The following CA8 variants were observed in gnomAD, a reference collection of about 807,000 sequenced individuals.
The protein encoded by CA8 is carbonic anhydrase-related protein.
CA8 carries 22 observed loss-of-function variants against 41.4 expected under a neutral mutation model. That is an observed-to-expected ratio of 0.53 (90% CI 0.38 to 0.76). The LOEUF (loss-of-function observed/expected upper bound fraction) is 0.76. CA8 is among the 30% of genes least tolerant of loss of function. CA8 has a pLI of 0.00. For missense variants in CA8, 270 were observed against 352.8 expected (o/e 0.77, Z 1.88); for synonymous variants, 121 against 130.6 (o/e 0.93, Z 0.50).
intron 8 of CA8, among the ~76,000 whole-genome samples, chr8:60,203,884 T>C (rs1806502422): frequency 6.6e-6 from 1 of 152,212 alleles, no homozygotes; most frequent in South Asian, 2.1e-4. Flanking sequence ...TGGTTTCTCT[T>C]TTCCATGATA....
At position 60,187,340 on chromosome 8, in the gene CA8, A is replaced by C. The variant is rs1359010217; in HGVS notation, c.*2681T>G. ...TGCAGCTAAAGCAATGCTCAGAGGAAAATTTATAACTGTTAATGCCTTTAT... is the reference window on the plus strand; with the variant it reads ...TGCAGCTAAAGCAATGCTCAGAGGACAATTTATAACTGTTAATGCCTTTAT... On this transcript the variant is annotated 3_prime_UTR_variant, in exon 9 of 9. Coordinates refer to ENST00000317995, the MANE Select transcript of CA8 (RefSeq NM_004056.6). 1 of 152,128 alleles carries C rather than the reference A, an allele frequency of 6.6e-6. No homozygotes were observed. The highest frequency in any genetic ancestry group is 1.5e-5 in the Non-Finnish European group (1 of 67,972). 9.4% of individuals were successfully genotyped at this position (152,128 alleles called of 1,614,324 possible). A position where few individuals can be genotyped will look rare whatever the true frequency, so the allele number is the denominator to read the frequency against.
chr8:60,242,461 C>A (rs550606202), intron 3 of CA8, among the ~76,000 whole-genome samples: 2 of 152,286 alleles, frequency 1.3e-5, no homozygotes, highest in South Asian at 4.2e-4. Context: ...CACCTCTGAT[C>A]CCAAGAGGGA....
intron 8 of CA8, among the ~76,000 whole-genome samples, chr8:60,206,307 G>A (rs1806576343): frequency 6.6e-6 from 1 of 152,122 alleles, no homozygotes; most frequent in African/African-American, 2.4e-5. Context: ...TGAAGTATGT[G>A]AAATATACAA....
chr8:60,202,106 C>A (rs192965989), intron 8 of CA8, among the ~76,000 whole-genome samples: 124 of 150,860 alleles, frequency 8.2e-4, no homozygotes, highest in African/African-American at 2.9e-3. Flanking sequence ...TGCAGTGGCA[C>A]GATCTCGGAT....
chr8:60,255,956 T>C (rs1808621232), intron 3 of CA8, among the ~76,000 whole-genome samples: 1 of 151,564 alleles, frequency 6.6e-6, no homozygotes. Context: ...TTGCCCAGGC[T>C]GGAGTGCAAT....
rs185742009 is a variant in CA8, at chr8:60,249,939, A to G, written c.417+15986T>C. ...GTGGATAAGGACAACATATGCTACTATTTTAGCGACAATCATAATACGCAA... is the reference window on the plus strand; with the variant it reads ...GTGGATAAGGACAACATATGCTACTGTTTTAGCGACAATCATAATACGCAA... On this transcript the variant is annotated intron_variant, in intron 3 of 8. Coordinates refer to ENST00000317995, the MANE Select transcript of CA8 (RefSeq NM_004056.6). Among the ~76,000 whole-genome samples the G allele has an allele frequency of 5.9e-5, 9 of 152,342 alleles. No homozygotes were observed. In the East Asian group the frequency reaches 1.7e-3, roughly 29 times the overall value.
chr8:60,224,891 A>C (rs1807374325), intron 5 of CA8, among the ~76,000 whole-genome samples: 1 of 152,062 alleles, frequency 6.6e-6, no homozygotes, highest in African/African-American at 2.4e-5. Flanking sequence ...GCACATTCAT[A>C]ACAGAGATTT....
Position 60,232,958 on chromosome 8 carries a change from C to T in CA8, c.418-579G>A, listed in dbSNP as rs188828602. Reference sequence around the variant, plus strand: ...AAAAGAAGGCGATTTCCTGCACTGGCGATAAAATTTTATCTGTGAAGAAAT... The same window carrying T: ...AAAAGAAGGCGATTTCCTGCACTGGTGATAAAATTTTATCTGTGAAGAAAT... On this transcript the variant is annotated intron_variant, in intron 3 of 8. Transcript: ENST00000317995. 1.1e-3 allele frequency among the ~76,000 whole-genome samples: 168 copies of T among 152,216 alleles called. 2 individuals carry two copies. The highest frequency in any genetic ancestry group is 9.6e-3 in the Admixed American group (146 of 15,286).
intron 2 of CA8, among the ~76,000 whole-genome samples, chr8:60,269,586 T>C (rs1804004199): frequency 6.6e-6 from 1 of 152,236 alleles, no homozygotes; most frequent in Non-Finnish European, 1.5e-5. Context: ...AAAGACATGA[T>C]GTATATACAT....
Position 60,186,026 on chromosome 8 carries a change from G to A in CA8, c.*3995C>T, listed in dbSNP as rs1365025010. Among the ~76,000 whole-genome samples the A allele has an allele frequency of 6.6e-6, 1 of 151,986 alleles. No individual in the cohort carries two copies. Among genetic ancestry groups the A allele is most frequent in the Non-Finnish European group, 1.5e-5 (1 of 67,934 alleles). On this transcript the variant is annotated 3_prime_UTR_variant, in exon 9 of 9. Coordinates refer to ENST00000317995, the MANE Select transcript of CA8 (RefSeq NM_004056.6). The stretch of plus-strand genomic sequence containing the variant: ...ATGACAACACAAAGGAGGTAAATAA[G>A]AACAAAGTAGTACTGGAGTAAGAAA...
intron 3 of CA8, among the ~76,000 whole-genome samples, chr8:60,236,452 C>G (rs943442654): frequency 9.2e-5 from 14 of 152,136 alleles, no homozygotes; most frequent in Admixed American, 3.3e-4. Flanking sequence ...CCCTGTTTCT[C>G]TGGAGAACCC....
rs1028071209 is a variant in CA8, at chr8:60,185,559, C to T, written c.*4462G>A. Among the ~76,000 whole-genome samples, 22 of 152,052 alleles carry T rather than the reference C, an allele frequency of 1.4e-4. No individual in the cohort carries two copies. Among genetic ancestry groups the T allele is most frequent in the African/African-American group, 5.1e-4 (21 of 41,408 alleles). The stretch of plus-strand genomic sequence containing the variant: ...ACGAAATCTGGGGCAGGGGGGAAAC[C>T]ATTTGTTTTTGAAAGCAGAAACAGA... On this transcript the variant is annotated 3_prime_UTR_variant, in exon 9 of 9. Transcript: ENST00000317995.
chr8:60,279,563 C>T (rs1804342273), intron 2 of CA8, 126 bp downstream of exon 2: 2 of 816,370 alleles, frequency 2.4e-6, no homozygotes, highest in South Asian at 3.1e-5. Flanking sequence ...TATTATAATA[C>T]AAAGGTATCC....
intron 6 of CA8, among the ~76,000 whole-genome samples, chr8:60,223,118 C>T (rs1807307029): frequency 6.6e-6 from 1 of 152,134 alleles, no homozygotes; most frequent in African/African-American, 2.4e-5. Context: ...CAGCAATTTA[C>T]TTTAATTCAT....
chr8:60,273,405 T>C (rs1804131295), intron 2 of CA8, among the ~76,000 whole-genome samples: 1 of 152,244 alleles, frequency 6.6e-6, no homozygotes, highest in Non-Finnish European at 1.5e-5. Context: ...CCCACCCACC[T>C]GCCAGGGGTC....
intron 7 of CA8, 41 bp downstream of exon 7, chr8:60,222,608 C>T: frequency 8.0e-7 from 1 of 1,245,982 alleles, no homozygotes; most frequent in Non-Finnish European, 1.2e-6. Context: ...CAATGTTTAA[C>T]TCAGAACTTC....
chr8:60,212,778 G>A (rs1806882246), intron 7 of CA8, among the ~76,000 whole-genome samples: 1 of 152,170 alleles, frequency 6.6e-6, no homozygotes, highest in Non-Finnish European at 1.5e-5. Context: ...ATGCTAAGAT[G>A]GTAGATCTTA....
chr8:60,209,047 GCTTC>G, intron 7 of CA8, 128 bp from the exon 8 acceptor site: 5 of 1,075,502 alleles, frequency 4.6e-6, no homozygotes, highest in Admixed American at 4.8e-5. Flanking sequence ...TTAAAATTAA[GCTTC>G]AAAAAGAAAA....
intron 6 of CA8, among the ~76,000 whole-genome samples, chr8:60,223,961 CATA>C (rs1388831139): frequency 2.0e-5 from 3 of 152,284 alleles, no homozygotes; most frequent in East Asian, 3.9e-4. Flanking sequence ...TGGAATAATA[CATA>C]ATAATAGTAT....
Sources: allele counts gnomAD v4.1 joint callset (sites outside exome capture counted in the v4.1 genomes callset), GRCh38; gene constraint gnomAD v4.1.1; transcripts MANE v1.5; gene names NCBI Gene and HGNC (gene_info 2026-07-23, HGNC 2026-07-21).